Variants in RNF220 observed in about 807,000 individuals in gnomAD.
RNF220 encodes ring finger protein 220, also known as E3 ubiquitin-protein ligase RNF220.
A neutral mutation model predicts 67.1 loss-of-function variants in RNF220; 7 were observed. The ratio of observed to expected loss-of-function variants is 0.10; its 90% confidence interval spans 0.06 to 0.20. The LOEUF is 0.20. Among genes scored for constraint, RNF220 ranks in the 10% least tolerant of loss-of-function variants. The pLI is 1.00. For synonymous variants in RNF220, 270 were observed against 283.2 expected (o/e 0.95, Z 0.47); for missense variants, 565 against 740.3 (o/e 0.76, Z 2.75).
At chr1:44,532,363 A>T (rs1260039739) in intron 2 of RNF220, among the ~76,000 whole-genome samples, 1 of 152,072 alleles carries the variant, frequency 6.6e-6, no homozygotes, top group Admixed American at 6.6e-5. Context: ...GTTTTTTTAG[A>T]TAGAAATTCA....
chr1:44,640,467 G>C (rs1029924186), intron 8 of RNF220, among the ~76,000 whole-genome samples: 1 of 152,254 alleles, frequency 6.6e-6, no homozygotes, highest in Admixed American at 6.5e-5. Context: ...CAACTGATGG[G>C]ATTTAATCGC....
At chr1:44,444,692 C>G (rs1433970426) in intron 2 of RNF220, among the ~76,000 whole-genome samples, 1 of 152,210 alleles carries the variant, frequency 6.6e-6, no homozygotes, top group Non-Finnish European at 1.5e-5. Flanking sequence ...TTGCCTGCCT[C>G]AGCCTCCCAA....
At chr1:44,635,094 T>G in intron 6 of RNF220, 1 of 153,348 alleles carries the variant, frequency 6.5e-6, no homozygotes, top group Non-Finnish European at 1.4e-5. Context: ...CCAAAGAGGA[T>G]TTAGCTGATG....
chr1:44,428,154 A>G (rs1215526667), intron 2 of RNF220, among the ~76,000 whole-genome samples: 1 of 152,184 alleles, frequency 6.6e-6, no homozygotes, highest in Non-Finnish European at 1.5e-5. Context: ...AAAGGCACAG[A>G]GTGGAAATGA....
intron 1 of RNF220, among the ~76,000 whole-genome samples, chr1:44,406,062 C>G (rs566583319): frequency 2.2e-4 from 34 of 152,214 alleles, no homozygotes; most frequent in South Asian, 2.1e-3. Context: ...GTGGGGAGCC[C>G]GAGGCGGCGG....
chr1:44,425,888 A>G (rs950979651), intron 2 of RNF220, among the ~76,000 whole-genome samples: 2 of 152,168 alleles, frequency 1.3e-5, no homozygotes, highest in African/African-American at 4.8e-5. Context: ...TGAGTGTTCA[A>G]CCTAGAGGGA....
intron 2 of RNF220, among the ~76,000 whole-genome samples, chr1:44,510,250 AAGAG>A (rs370846839): frequency 2.0e-4 from 30 of 147,744 alleles, no homozygotes; most frequent in South Asian, 8.9e-4. Context: ...AAAAAAAGGA[AAGAG>A]AGAGAGAGAG....
At chr1:44,497,304 T>C (rs1026555595) in intron 2 of RNF220, among the ~76,000 whole-genome samples, 1 of 150,830 alleles carries the variant, frequency 6.6e-6, no homozygotes, top group Non-Finnish European at 1.5e-5. Context: ...TCATGGTTCT[T>C]GGCACGTATC....
intron 8 of RNF220, among the ~76,000 whole-genome samples, chr1:44,638,092 C>T (rs1557469293): frequency 1.3e-5 from 2 of 152,236 alleles, no homozygotes; most frequent in Non-Finnish European, 2.9e-5. Flanking sequence ...ACTGCCTCTG[C>T]CCCCAAAACC....
rs761640157 is a variant in RNF220, at chr1:44,645,013, C to T, written c.1242C>T (p.Val414=). The change falls in exon 10 of 15, where the codon GTC becomes GTT. Residue 414 remains valine, a synonymous_variant. Transcript: ENST00000361799. The surrounding 1 kb of genome is among the most constrained non-coding windows in gnomAD (Gnocchi z 5.0). ...YGKPQYTEAD[V]IPCTGEEPGE... is the part of the protein sequence containing the mutation. ...ATGCCAGATACACAGAGGCTGATGT[C>T]ATCCCCTGCACAGGCGAGGAGCCTG... 6.2e-6 allele frequency: 10 copies of T among 1,613,990 alleles called. No homozygotes were observed. The Admixed American group carries it at 6.7e-5, about 11-fold the overall frequency.
At chr1:44,501,597 A>G (rs1657886175) in intron 2 of RNF220, among the ~76,000 whole-genome samples, 1 of 144,788 alleles carries the variant, frequency 6.9e-6, no homozygotes, top group Admixed American at 6.7e-5. Context: ...CAAGCAGGAC[A>G]ATTTCTTTCT....
At chr1:44,516,639 A>G (rs1478230673) in intron 2 of RNF220, among the ~76,000 whole-genome samples, 1 of 152,126 alleles carries the variant, frequency 6.6e-6, no homozygotes, top group African/African-American at 2.4e-5. Context: ...ATGGGAGGAA[A>G]GTGAAGGGAA....
rs1557996558 is a variant in RNF220, at chr1:44,509,884, C to CAAAA, written c.625+97162_625+97163insAAAA. Among the ~76,000 whole-genome samples, 149 of 80,390 alleles carry CAAAA rather than the reference C, an allele frequency of 1.9e-3. 26 individuals carry two copies. The highest frequency in any genetic ancestry group is 5.6e-3 in the African/African-American group (119 of 21,258). The allele number at this position is 80,390 out of a possible 152,430, so 52.7% of individuals were successfully genotyped here. On this transcript the variant is annotated intron_variant, in intron 2 of 14. Coordinates refer to ENST00000361799, the MANE Select transcript of RNF220 (RefSeq NM_018150.4). ...CCTGGGTGACAGAGCGAGACCCTGT[C>CAAAA]CAAAAAAAAAAAAAAAAAAAAAGGA...
At chr1:44,611,441 G>A (rs895493098) in intron 2 of RNF220, among the ~76,000 whole-genome samples, 6 of 152,174 alleles carry the variant, frequency 3.9e-5, no homozygotes, top group Non-Finnish European at 8.8e-5. Flanking sequence ...GGCTAATGGG[G>A]GCTGAACCCC....
chr1:44,556,128 A>T (rs1429080699), intron 2 of RNF220, among the ~76,000 whole-genome samples: 1 of 146,108 alleles, frequency 6.8e-6, no homozygotes, highest in Non-Finnish European at 1.5e-5. Context: ...TCCGCCTCCC[A>T]GGTTCAAGCA....
chr1:44,517,823 A>G (rs536844864), intron 2 of RNF220, among the ~76,000 whole-genome samples: 1 of 152,358 alleles, frequency 6.6e-6, no homozygotes, highest in African/African-American at 2.4e-5. Context: ...ATCCGCCTCT[A>G]GGGCCAGGTA....
At position 44,632,443 on chromosome 1, in the gene RNF220, C is replaced by A. The variant is rs1404569551; in HGVS notation, c.949+58C>A. ...CCCCCGGCCTCCTCCCTCCCTCCCTCACTGCCTGCCGCTCCTGGCTTGCCT... is the reference window on the plus strand; with the variant it reads ...CCCCCGGCCTCCTCCCTCCCTCCCTAACTGCCTGCCGCTCCTGGCTTGCCT... On this transcript the variant is annotated intron_variant, in intron 6 of 14. Coordinates refer to ENST00000361799, the MANE Select transcript of RNF220 (RefSeq NM_018150.4). The A allele has an allele frequency of 2.0e-5, 30 of 1,487,866 alleles. No homozygotes were observed. The Admixed American group carries it at 5.1e-4, about 25-fold the overall frequency. 92.2% of individuals were successfully genotyped at this position (1,487,866 alleles called of 1,614,324 possible). A position where few individuals can be genotyped will look rare whatever the true frequency, so the allele number is the denominator to read the frequency against.
chr1:44,575,404 G>C (rs568340590), intron 2 of RNF220, among the ~76,000 whole-genome samples: 257 of 152,164 alleles, frequency 1.7e-3, no homozygotes, highest in African/African-American at 6.0e-3. Flanking sequence ...CCATTCATCT[G>C]TTGGTGGGCA....
chr1:44,518,332 G>T (rs1359330625), intron 2 of RNF220, among the ~76,000 whole-genome samples: 1 of 152,154 alleles, frequency 6.6e-6, no homozygotes, highest in Non-Finnish European at 1.5e-5. Context: ...ATCTGAGATA[G>T]GAGGATCGCT....
Sources: gnomAD v4.1 joint callset for allele counts (sites outside exome capture counted in the v4.1 genomes callset) on GRCh38, gnomAD v4.1.1 for gene constraint, Gnocchi (gnomAD v3.1) non-coding constraint, MANE v1.5 for transcripts, NCBI Gene and HGNC (gene_info 2026-07-23, HGNC 2026-07-21) for gene names.